The following PLCB1 variants were observed in gnomAD, a reference collection of about 807,000 sequenced individuals.
PLCB1 encodes 1-phosphatidylinositol 4,5-bisphosphate phosphodiesterase beta-1.
A neutral mutation model predicts 161.8 loss-of-function variants in PLCB1; 46 were observed. The ratio of observed to expected loss-of-function variants is 0.28; its 90% confidence interval spans 0.22 to 0.36. The LOEUF (loss-of-function observed/expected upper bound fraction) is 0.36, where lower values mean the gene tolerates loss of function less well. Among genes scored for constraint, PLCB1 ranks in the 10% least tolerant of loss-of-function variants. The pLI is 1.00. For missense variants in PLCB1, 1,016 were observed against 1,472.5 expected (o/e 0.69, Z 5.07); for synonymous variants, 517 against 503.7 (o/e 1.03, Z -0.35).
At chr20:8,844,154 T>C (rs1053271537) in intron 31 of PLCB1, among the ~76,000 whole-genome samples, 5 of 152,230 alleles carry the variant, frequency 3.3e-5, no homozygotes, top group African/African-American at 1.2e-4. Flanking sequence ...TCTCCTGCAA[T>C]ATCTGATTGT....
intron 3 of PLCB1, among the ~76,000 whole-genome samples, chr20:8,547,233 G>A (rs968225292): frequency 2.0e-4 from 30 of 152,058 alleles, no homozygotes; most frequent in African/African-American, 4.6e-4. Flanking sequence ...CTTACGGCTC[G>A]CTCTAATGTT....
At chr20:8,468,886 A>G (rs1397317459) in intron 3 of PLCB1, among the ~76,000 whole-genome samples, 2 of 152,172 alleles carry the variant, frequency 1.3e-5, no homozygotes, top group African/African-American at 4.8e-5. Context: ...CCCAAATGAC[A>G]TAGTCAGGAA....
At chr20:8,150,109 G>C (rs919749082) in intron 1 of PLCB1, among the ~76,000 whole-genome samples, 185 bp from the exon 2 acceptor site, 1 of 152,026 alleles carries the variant, frequency 6.6e-6, no homozygotes, top group Non-Finnish European at 1.5e-5. Context: ...TATTAGGAAA[G>C]AACCTCAGTT....
intron 3 of PLCB1, among the ~76,000 whole-genome samples, chr20:8,577,572 C>T (rs992202163): frequency 6.6e-6 from 1 of 152,008 alleles, no homozygotes; most frequent in African/African-American, 2.4e-5. Context: ...TAATAATTCC[C>T]CCACGATATG....
chr20:8,136,879 G>T (rs1276543625), intron 1 of PLCB1, among the ~76,000 whole-genome samples: 1 of 152,054 alleles, frequency 6.6e-6, no homozygotes, highest in Non-Finnish European at 1.5e-5. Flanking sequence ...ATTCTCTACA[G>T]CAAGTCAGTT....
At chr20:8,313,442 T>A (rs1439592082) in intron 2 of PLCB1, among the ~76,000 whole-genome samples, 1 of 152,104 alleles carries the variant, frequency 6.6e-6, no homozygotes, top group Non-Finnish European at 1.5e-5. Flanking sequence ...ACTTACACCC[T>A]TTCAAGCCTC....
At chr20:8,329,187 G>T (rs1199973370) in intron 2 of PLCB1, among the ~76,000 whole-genome samples, 1 of 152,178 alleles carries the variant, frequency 6.6e-6, no homozygotes, top group Non-Finnish European at 1.5e-5. Flanking sequence ...ACAAATTCCA[G>T]CCACTTGAAA....
rs546729378 is a variant in PLCB1, at chr20:8,207,478, T to TA, written c.177+57108dup. Among the ~76,000 whole-genome samples the TA allele has an allele frequency of 2.6e-3, 391 of 152,080 alleles. 12 individuals carry two copies. Among genetic ancestry groups the TA allele is most frequent in the Admixed American group, 0.025 (386 of 15,264 alleles). On this transcript the variant is annotated intron_variant, in intron 2 of 31. Transcript: ENST00000338037. Reference sequence around the variant, plus strand: ...ACAGTGCTGGACCCAGGTGGGTACTTACCAAACACTGTGGAAAGTCTGAAG... The same window carrying TA: ...ACAGTGCTGGACCCAGGTGGGTACTTAACCAAACACTGTGGAAAGTCTGAAG...
At chr20:8,579,262 A>G (rs1276548811) in intron 3 of PLCB1, among the ~76,000 whole-genome samples, 2 of 152,234 alleles carry the variant, frequency 1.3e-5, no homozygotes, top group African/African-American at 4.8e-5. Context: ...TTGTCCTCTG[A>G]CACTGCCATG....
intron 2 of PLCB1, among the ~76,000 whole-genome samples, chr20:8,230,115 C>T (rs1403601693): frequency 6.8e-6 from 1 of 147,992 alleles, no homozygotes; most frequent in Non-Finnish European, 1.5e-5. Context: ...CAAAGTAGGC[C>T]TAAACCTCTT....
chr20:8,391,802 TATA>T (rs1265878629), intron 3 of PLCB1, among the ~76,000 whole-genome samples: 1 of 137,188 alleles, frequency 7.3e-6, no homozygotes, highest in African/African-American at 2.9e-5. Flanking sequence ...TATATATATA[TATA>T]TATATATATA....
At chr20:8,755,676 A>G (rs527786770) in intron 23 of PLCB1, among the ~76,000 whole-genome samples, 1 of 152,374 alleles carries the variant, frequency 6.6e-6, no homozygotes, top group Admixed American at 6.5e-5. Context: ...CATTGGTAGT[A>G]TTCCACAAGC....
chr20:8,848,007 A>T (rs1394003183), intron 31 of PLCB1, among the ~76,000 whole-genome samples: 1 of 152,208 alleles, frequency 6.6e-6, no homozygotes, highest in Non-Finnish European at 1.5e-5. Flanking sequence ...GAGGAACGCC[A>T]TGTCCTCACA....
At position 8,132,883 on chromosome 20, in the gene PLCB1, G is replaced by A. The variant is rs1464892844; in HGVS notation, c.99+133G>A. 12 of 657,544 alleles carry A rather than the reference G, an allele frequency of 1.8e-5. No homozygotes were observed. Among genetic ancestry groups the A allele is most frequent in the Non-Finnish European group, 3.0e-5 (11 of 366,850 alleles). The allele number at this position is 657,544 out of a possible 1,614,324, so 40.7% of individuals were successfully genotyped here. ...GGGCAGGGGCAGCCTCGGGCGCACA[G>A]GTTGGCATCTGCCAAAGCGGATGTC... On this transcript the variant is annotated intron_variant, in intron 1 of 31. Coordinates refer to ENST00000338037, the MANE Select transcript of PLCB1 (RefSeq NM_015192.4). This position sits in a 1 kb window ranked among gnomAD's most constrained non-coding sequence, Gnocchi z 5.2.
In PLCB1 at chr20:8,880,494, G is replaced by T. The variant is rs180825391; in HGVS notation, c.3424-1128G>T. Among the ~76,000 whole-genome samples the T allele has an allele frequency of 1.7e-3, 257 of 151,822 alleles. 3 individuals are homozygous for T. Among genetic ancestry groups the T allele is most frequent in the Admixed American group, 0.017 (255 of 15,278 alleles). On this transcript the variant is annotated intron_variant, in intron 31 of 31. Transcript: ENST00000338037. ...AAGGGTAGCTAAAATAGTTTACAAG[G>T]CAAATAAAAATTAGAATGAAAAATG...
intron 2 of PLCB1, among the ~76,000 whole-genome samples, chr20:8,282,052 A>G (rs754436732): frequency 1.3e-5 from 2 of 152,178 alleles, no homozygotes; most frequent in East Asian, 1.9e-4. Context: ...CAAACATGTT[A>G]AAATGCTCAA....
chr20:8,745,382 G>A (rs1304466896), intron 23 of PLCB1, among the ~76,000 whole-genome samples: 1 of 152,054 alleles, frequency 6.6e-6, no homozygotes, highest in Non-Finnish European at 1.5e-5. Context: ...GACTTTTTTA[G>A]TATCATCATT....
chr20:8,505,270 T>A (rs1385457081), intron 3 of PLCB1, among the ~76,000 whole-genome samples: 1 of 152,216 alleles, frequency 6.6e-6, no homozygotes, highest in African/African-American at 2.4e-5. Context: ...CAGGACCATT[T>A]CCATTTCTTC....
chr20:8,700,081 A>G (rs2123433109), intron 11 of PLCB1, among the ~76,000 whole-genome samples: 1 of 152,310 alleles, frequency 6.6e-6, no homozygotes, highest in South Asian at 2.1e-4. Context: ...GAAAAAGTGG[A>G]GACAGGTTAC....
Sources: gnomAD v4.1 joint callset for allele counts (sites outside exome capture counted in the v4.1 genomes callset) on GRCh38, gnomAD v4.1.1 for gene constraint, Gnocchi (gnomAD v3.1) non-coding constraint, MANE v1.5 for transcripts, NCBI Gene and HGNC (gene_info 2026-07-23, HGNC 2026-07-21) for gene names.